HS3ST4: variants seen among roughly 807,000 people sequenced by gnomAD.
HS3ST4 encodes the protein heparan sulfate-glucosamine 3-sulfotransferase 4.
HS3ST4 carries 17 observed loss-of-function variants against 29.2 expected under a neutral mutation model. That is an observed-to-expected ratio of 0.58 (90% CI 0.40 to 0.87). The LOEUF is 0.87. Among genes scored for constraint, HS3ST4 ranks in the 40% least tolerant of loss-of-function variants. The probability of loss-of-function intolerance (pLI) is 0.00; values close to 1 mark genes in which losing one functional copy is unlikely to be tolerated. For missense variants in HS3ST4, 627 were observed against 634.5 expected (o/e 0.99, Z 0.13); for synonymous variants, 314 against 285.7 (o/e 1.10, Z -1.00).
At chr16:26,131,423 C>G (rs957362583) in intron 1 of HS3ST4, among the ~76,000 whole-genome samples, 1 of 152,180 alleles carries the variant, frequency 6.6e-6, no homozygotes. Context: ...TCTTCCTGGC[C>G]CTATTTTCTG....
intron 1 of HS3ST4, among the ~76,000 whole-genome samples, chr16:26,066,350 C>A (rs189871970): frequency 1.3e-5 from 2 of 152,114 alleles, no homozygotes; most frequent in Admixed American, 1.3e-4. Flanking sequence ...GTGGGAGGAA[C>A]GGTATTCTCT....
intron 1 of HS3ST4, among the ~76,000 whole-genome samples, chr16:26,117,386 C>T (rs1899214831): frequency 6.6e-6 from 1 of 152,196 alleles, no homozygotes; most frequent in Non-Finnish European, 1.5e-5. Context: ...ATTCTTGTTC[C>T]TGGTCTTTGA....
intron 1 of HS3ST4, among the ~76,000 whole-genome samples, chr16:25,994,376 T>G (rs905530055): frequency 6.6e-6 from 1 of 152,164 alleles, no homozygotes; most frequent in Non-Finnish European, 1.5e-5. Flanking sequence ...TAATAACTTA[T>G]TTATTCTCTT....
chr16:25,879,005 C>T (rs1967865438), intron 1 of HS3ST4, among the ~76,000 whole-genome samples: 1 of 152,138 alleles, frequency 6.6e-6, no homozygotes, highest in Non-Finnish European at 1.5e-5. Context: ...ATAGCTGGTA[C>T]TCAGAAAAAC....
Position 25,853,551 on chromosome 16 carries a change from C to G in HS3ST4, c.734+160400C>G, listed in dbSNP as rs146689029. Among the ~76,000 whole-genome samples the G allele has an allele frequency of 1.6e-3, 236 of 152,106 alleles. 1 individual carries two copies. Among genetic ancestry groups the G allele is most frequent in the East Asian group, 5.6e-3 (29 of 5,182 alleles). On this transcript the variant is annotated intron_variant, in intron 1 of 1. Coordinates refer to ENST00000331351, the MANE Select transcript of HS3ST4 (RefSeq NM_006040.3). Reference sequence around the variant, plus strand: ...TAGTTGTGTACTTGTCATATATGACCTTTAGTATGTGAAGGTACATTTCTT... The same window carrying G: ...TAGTTGTGTACTTGTCATATATGACGTTTAGTATGTGAAGGTACATTTCTT...
intron 1 of HS3ST4, among the ~76,000 whole-genome samples, chr16:25,853,750 C>T (rs1967544900): frequency 6.6e-6 from 1 of 152,106 alleles, no homozygotes; most frequent in Admixed American, 6.5e-5. Flanking sequence ...TTTTAATTTG[C>T]TGCAGGAATT....
intron 1 of HS3ST4, among the ~76,000 whole-genome samples, chr16:25,914,426 TG>T (rs1383998558): frequency 2.0e-5 from 3 of 151,628 alleles, no homozygotes; most frequent in African/African-American, 7.3e-5. Flanking sequence ...GTGCGAGTTA[TG>T]TGTAGGGTGT....
chr16:25,714,915 C>T (rs1365803687), intron 1 of HS3ST4, among the ~76,000 whole-genome samples: 1 of 152,222 alleles, frequency 6.6e-6, no homozygotes, highest in Non-Finnish European at 1.5e-5. Flanking sequence ...AAGGAGTATG[C>T]ACTTTAAAAT....
At chr16:25,913,063 G>A (rs1415305129) in intron 1 of HS3ST4, among the ~76,000 whole-genome samples, 2 of 152,202 alleles carry the variant, frequency 1.3e-5, no homozygotes, top group Admixed American at 6.5e-5. Context: ...GACAACTTGC[G>A]CTGTTTACGA....
At chr16:25,864,016 C>T (rs1436725241) in intron 1 of HS3ST4, among the ~76,000 whole-genome samples, 8 of 152,140 alleles carry the variant, frequency 5.3e-5, no homozygotes, top group African/African-American at 1.9e-4. Context: ...CTGCCTGCCG[C>T]CTCTTCGCCT....
At chr16:25,939,974 C>T (rs1596620510) in intron 1 of HS3ST4, among the ~76,000 whole-genome samples, 1 of 152,058 alleles carries the variant, frequency 6.6e-6, no homozygotes, top group South Asian at 2.1e-4. Flanking sequence ...ACCATAAATA[C>T]GTGGGATGGT....
intron 1 of HS3ST4, among the ~76,000 whole-genome samples, chr16:25,805,103 G>T (rs915545185): frequency 1.3e-5 from 2 of 151,910 alleles, no homozygotes; most frequent in East Asian, 3.9e-4. Flanking sequence ...TTGGATGAGT[G>T]GTGTCAACCT....
intron 1 of HS3ST4, among the ~76,000 whole-genome samples, chr16:25,765,786 G>A (rs1008489902): frequency 4.6e-5 from 7 of 152,062 alleles, no homozygotes; most frequent in African/African-American, 1.4e-4. Context: ...TATTTTCTTT[G>A]AGTCAGGTGC....
At chr16:25,808,774 CT>C (rs1967014184) in intron 1 of HS3ST4, among the ~76,000 whole-genome samples, 1 of 152,096 alleles carries the variant, frequency 6.6e-6, no homozygotes, top group Non-Finnish European at 1.5e-5. Flanking sequence ...TTATTTAGCT[CT>C]TCTTTGATTA....
chr16:25,769,616 C>T (rs1966839466), intron 1 of HS3ST4, among the ~76,000 whole-genome samples: 1 of 152,218 alleles, frequency 6.6e-6, no homozygotes, highest in Non-Finnish European at 1.5e-5. Flanking sequence ...CAGCACCCTT[C>T]CTACGGAAAG....
chr16:25,992,650 T>G (rs1969124431), intron 1 of HS3ST4, among the ~76,000 whole-genome samples: 1 of 152,234 alleles, frequency 6.6e-6, no homozygotes. Context: ...TGTCCGGGTC[T>G]TCTGACAGTG....
chr16:25,980,346 T>G (rs1034603808), intron 1 of HS3ST4, among the ~76,000 whole-genome samples: 1 of 152,212 alleles, frequency 6.6e-6, no homozygotes, highest in Non-Finnish European at 1.5e-5. Context: ...TCCTTATCCT[T>G]CAGAACTCAC....
intron 1 of HS3ST4, among the ~76,000 whole-genome samples, chr16:26,015,775 A>C (rs2141743276): frequency 6.6e-6 from 1 of 152,338 alleles, no homozygotes; most frequent in East Asian, 1.9e-4. Flanking sequence ...GAGCCAGAAG[A>C]AAAGTTAGGC....
chr16:26,060,128 AGTCCGTG>A (rs1898457762), intron 1 of HS3ST4, among the ~76,000 whole-genome samples: 1 of 152,138 alleles, frequency 6.6e-6, no homozygotes, highest in African/African-American at 2.4e-5. Context: ...CAGAACCCTG[AGTCCGTG>A]CATTAGAGGT....
Sources: gnomAD v4.1 joint callset for allele counts (sites outside exome capture counted in the v4.1 genomes callset) on GRCh38, gnomAD v4.1.1 for gene constraint, MANE v1.5 for transcripts, NCBI Gene and HGNC (gene_info 2026-07-23, HGNC 2026-07-21) for gene names.